CLN5: variants seen among roughly 807,000 people sequenced by gnomAD.
The protein encoded by CLN5 is bis(monoacylglycero)phosphate synthase CLN5.
CLN5 carries 34 observed loss-of-function variants against 36.7 expected under a neutral mutation model. That is an observed-to-expected ratio of 0.93 (90% CI 0.71 to 1.23). The LOEUF is 1.23. CLN5 is among the 50% of genes most tolerant of loss of function. The pLI, the probability that CLN5 is intolerant of heterozygous loss-of-function variation, is 0.00. For missense variants in CLN5, 427 were observed against 439.4 expected (o/e 0.97, Z 0.25); for synonymous variants, 151 against 155.1 (o/e 0.97, Z 0.20).
chr13:76,992,355 C>A, intron 1 of CLN5, 84 bp downstream of exon 1: 1 of 1,390,168 alleles, frequency 7.2e-7, no homozygotes, highest in Non-Finnish European at 9.6e-7. Flanking sequence ...GACCCCTGCT[C>A]ACCGTGGTTT....
chr13:76,996,182 G>T, intron 3 of CLN5, 55 bp downstream of exon 3: 1 of 1,360,688 alleles, frequency 7.3e-7, no homozygotes, highest in East Asian at 2.3e-5. Context: ...CCAAATGAAA[G>T]AAATTGTTAT....
Position 77,000,560 on chromosome 13 carries a change from A to C in CLN5, c.668A>C (p.Glu223Ala). The change falls in exon 4 of 4, where the codon GAG becomes GCG. Residue 223 changes from glutamate to alanine, a missense_variant. Glu to Ala is a moderately radical substitution (Grantham distance 107, BLOSUM62 -1). Transcript: ENST00000377453. Reference protein sequence around the residue: ...NVKASPEKGAETWFDSYDCSK... With the variant: ...NVKASPEKGAATWFDSYDCSK... ...AAAGCCAGCCCAGAAAAGGGGGCAG[A>C]GACATGGTTTGATTCCTACGACTGT... The C allele has an allele frequency of 6.2e-7, 1 of 1,614,152 alleles. No individual in the cohort carries two copies. The highest frequency in any genetic ancestry group is 8.5e-7 in the Non-Finnish European group (1 of 1,180,020).
intron 1 of CLN5, 130 bp downstream of exon 1, chr13:76,992,401 G>C: frequency 9.1e-7 from 1 of 1,101,384 alleles, no homozygotes; most frequent in Admixed American, 2.8e-5. Flanking sequence ...GACAGCGCCG[G>C]GTGACGCTCG....
In CLN5 at chr13:77,001,054, C is replaced by G. The variant is rs2034354054; in HGVS notation, c.*85C>G. ...GATTTTACTTTTGTGAATTCCTTAG[C>G]CTTTCTTCCTTGGTGCATAAAGTTA... is the stretch of plus-strand genomic sequence containing the variant. On this transcript the variant is annotated 3_prime_UTR_variant, in exon 4 of 4. Coordinates refer to ENST00000377453, the MANE Select transcript of CLN5 (RefSeq NM_006493.4). 2 of 1,212,178 alleles carry G rather than the reference C, an allele frequency of 1.6e-6. No homozygotes were observed. The highest frequency in any genetic ancestry group is 2.4e-6 in the Non-Finnish European group (2 of 845,908). 75.1% of individuals were successfully genotyped at this position (1,212,178 alleles called of 1,614,324 possible).
At chr13:76,995,009 G>A in intron 1 of CLN5, 54 bp from the exon 2 acceptor site, 1 of 1,552,550 alleles carries the variant, frequency 6.4e-7, no homozygotes, top group Non-Finnish European at 8.8e-7. Flanking sequence ...AAAGACGTGA[G>A]AAGAATCAGA....
rs371229525 is a variant in CLN5 at position 76,995,979 on chromosome 13, C to T, written c.417C>T (p.Phe139=). ...ACACAATGGAATGGTATGAACTTTT[C>T]CAACTTGGCAACTGTACATTTCCCC... is the stretch of plus-strand genomic sequence containing the variant. ...KNYTMEWYEL[F]QLGNCTFPHL... Residue 139 remains phenylalanine, a synonymous_variant, in exon 3 of 4, where the codon TTC becomes TTT. Transcript: ENST00000377453. The T allele has an allele frequency of 1.2e-5, 19 of 1,614,072 alleles. No individual in the cohort carries two copies. The African/African-American group carries it at 2.5e-4, about 22-fold the overall frequency.
intron 1 of CLN5, chr13:76,994,587 A>G (rs2034233237): frequency 6.2e-6 from 1 of 160,386 alleles, no homozygotes; most frequent in Non-Finnish European, 1.4e-5. Context: ...CCTTCTTACT[A>G]TAGTTCACTA....
In CLN5 at chr13:76,992,248, G is replaced by T. The variant is rs2034192027; in HGVS notation, c.150G>T (p.Arg50=). Reference sequence around the variant, plus strand: ...CCCGGGTCTCGGGCATCCCCTCCCGGCGCCACTGGCCGGTGCCCTACAAGT... The same window carrying T: ...CCCGGGTCTCGGGCATCCCCTCCCGTCGCCACTGGCCGGTGCCCTACAAGT... The part of the protein sequence containing the change: ...GWSRVSGIPS[R]RHWPVPYKRF... The change falls in exon 1 of 4, where the codon CGG becomes CGT. Residue 50 remains arginine (R), a synonymous_variant. Transcript: ENST00000377453. 2.5e-6 allele frequency: 4 copies of T among 1,583,464 alleles called. No homozygotes were observed. The highest frequency in any genetic ancestry group is 2.6e-6 in the Non-Finnish European group (3 of 1,171,032).
rs1203210948 is a variant in CLN5, at chr13:77,002,538, AT to A, written c.*1573del. 1 of 149,488 alleles carries A rather than the reference AT, an allele frequency of 6.7e-6. No homozygotes were observed. Among genetic ancestry groups the A allele is most frequent in the Non-Finnish European group, 1.5e-5 (1 of 67,334 alleles). The allele number at this position is 149,488 out of a possible 1,614,324, so 9.3% of individuals were successfully genotyped here. A position where few individuals can be genotyped will look rare whatever the true frequency, so the allele number is the denominator to read the frequency against. ...TTGTATTTTATGTGTCTTTGGTCTT[AT>A]TTTGTCTAGGAATTCATTTTTGCTG... On this transcript the variant is annotated 3_prime_UTR_variant, in exon 4 of 4. Transcript: ENST00000377453.
rs2034340634 is a variant in CLN5 at position 77,000,525 on chromosome 13, A to G, written c.633A>G (p.Thr211=). 6.2e-7 allele frequency: 1 copy of G among 1,613,970 alleles called. No homozygotes were observed. The highest frequency in any genetic ancestry group is 1.1e-5 in the South Asian group (1 of 91,078). Residue 211 remains threonine (T), a synonymous_variant, in exon 4 of 4, where the codon ACA becomes ACG. Coordinates refer to ENST00000377453, the MANE Select transcript of CLN5 (RefSeq NM_006493.4). ...ATGAAACAGGAATTTATTATGAGAC[A>G]TGGAATGTAAAAGCCAGCCCAGAAA... ...QDNETGIYYE[T]WNVKASPEKG... is the part of the protein sequence containing the mutation.
In CLN5 at chr13:77,003,444, C is replaced by T. The variant is rs1249144452; in HGVS notation, c.*2475C>T. 2.0e-5 allele frequency: 3 copies of T among 152,190 alleles called. No homozygotes were observed. Among genetic ancestry groups the T allele is most frequent in the Admixed American group, 6.5e-5 (1 of 15,282 alleles). 9.4% of individuals were successfully genotyped at this position (152,190 alleles called of 1,614,324 possible). ...ACAAAAGTATTTCTTAAGAATTAAA[C>T]CTGTCAGCTCTACTTACAAGATGTA... On this transcript the variant is annotated 3_prime_UTR_variant, in exon 4 of 4. Transcript: ENST00000377453.
chr13:76,999,403 AAG>A (rs2034321206), intron 3 of CLN5: 1 of 152,230 alleles, frequency 6.6e-6, no homozygotes, highest in Non-Finnish European at 1.5e-5. Context: ...GGTCTAGTAC[AAG>A]ATGGTAGAAG....
intron 2 of CLN5, 67 bp from the exon 3 acceptor site, chr13:76,995,832 TCTC>T: frequency 8.9e-7 from 1 of 1,118,302 alleles, no homozygotes; most frequent in South Asian, 1.2e-5. Context: ...TGCCACATTT[TCTC>T]CTATCAGGTT....
chr13:76,996,910 T>C (rs1338606548), intron 3 of CLN5: 1 of 152,204 alleles, frequency 6.6e-6, no homozygotes, highest in Non-Finnish European at 1.5e-5. Flanking sequence ...TAATTTACAT[T>C]CCTAGCAGCA....
In CLN5 at chr13:77,000,990, C is replaced by CTTT; in HGVS notation, c.*25_*27dup. The CTTT allele has an allele frequency of 6.3e-7, 1 of 1,594,392 alleles. No homozygotes were observed. The highest frequency in any genetic ancestry group is 8.5e-7 in the Non-Finnish European group (1 of 1,171,366). ...TATAAAACACCTTAATTCTACTGCT[C>CTTT]TTTTTTCTCCAATCACCAGCATCTG... On this transcript the variant is annotated 3_prime_UTR_variant, in exon 4 of 4. Coordinates refer to ENST00000377453, the MANE Select transcript of CLN5 (RefSeq NM_006493.4).
At chr13:76,998,962 TAA>T (rs2034313645) in intron 3 of CLN5, 2 of 152,212 alleles carry the variant, frequency 1.3e-5, no homozygotes, top group African/African-American at 4.8e-5. Flanking sequence ...ATCATATGAA[TAA>T]GTGATCACTA....
chr13:76,993,102 A>G (rs1166173181), intron 1 of CLN5: 2 of 152,238 alleles, frequency 1.3e-5, no homozygotes, highest in Non-Finnish European at 2.9e-5. Flanking sequence ...AACTGCACAC[A>G]ACAAACCTGA....
intron 3 of CLN5, chr13:77,000,007 C>G (rs1223346525): frequency 6.6e-6 from 1 of 151,984 alleles, no homozygotes; most frequent in Non-Finnish European, 1.5e-5. Context: ...TGTGGAAATT[C>G]AAAACCATTG....
In CLN5 at chr13:77,004,759, G is replaced by A. The variant is rs902333866; in HGVS notation, c.*3790G>A. The A allele has an allele frequency of 2.0e-5, 3 of 152,132 alleles. No homozygotes were observed. Among genetic ancestry groups the A allele is most frequent in the African/African-American group, 7.2e-5 (3 of 41,442 alleles). The allele number at this position is 152,132 out of a possible 1,614,324, so 9.4% of individuals were successfully genotyped here. On this transcript the variant is annotated 3_prime_UTR_variant, in exon 4 of 4. Transcript: ENST00000377453. The stretch of plus-strand genomic sequence containing the variant: ...ATGAACGTCTTCCTTTCAGCCTAAA[G>A]TTCTTAAAATGCACTAAATTGACTT...
Sources: allele counts gnomAD v4.1 joint callset, GRCh38; gene constraint gnomAD v4.1.1; transcripts MANE v1.5; gene names NCBI Gene and HGNC (gene_info 2026-07-23, HGNC 2026-07-21).